The following PAFAH1B1 variants were observed in gnomAD, a reference collection of about 807,000 sequenced individuals.
PAFAH1B1 encodes the protein platelet activating factor acetylhydrolase 1b regulatory subunit 1.
Under a neutral mutation model 57.5 loss-of-function variants are expected in PAFAH1B1, and 2 were observed. That is an observed-to-expected ratio of 0.03 (90% CI 0.01 to 0.11). The LOEUF (loss-of-function observed/expected upper bound fraction) is 0.11, where lower values mean the gene tolerates loss of function less well. Among genes scored for constraint, PAFAH1B1 ranks in the 10% least tolerant of loss-of-function variants. The probability of loss-of-function intolerance (pLI) is 1.00; values close to 1 mark genes in which losing one functional copy is unlikely to be tolerated. For missense variants in PAFAH1B1, 257 were observed against 512.0 expected (o/e 0.50, Z 4.81); for synonymous variants, 152 against 169.6 (o/e 0.90, Z 0.81).
intron 1 of PAFAH1B1, among the ~76,000 whole-genome samples, chr17:2,612,395 A>G (rs1376067141): frequency 1.3e-5 from 2 of 151,588 alleles, no homozygotes; most frequent in African/African-American, 4.8e-5. Context: ...TTTAGTAGAG[A>G]CGAGGTTTTG....
At chr17:2,636,030 A>G (rs1320189800) in intron 1 of PAFAH1B1, among the ~76,000 whole-genome samples, 1 of 151,870 alleles carries the variant, frequency 6.6e-6, no homozygotes, top group Non-Finnish European at 1.5e-5. Flanking sequence ...GGCTGAGCCC[A>G]GCTTGGTTGA....
intron 2 of PAFAH1B1, among the ~76,000 whole-genome samples, chr17:2,644,819 A>G (rs1006481443): frequency 2.0e-5 from 3 of 152,186 alleles, no homozygotes; most frequent in African/African-American, 7.2e-5. Flanking sequence ...CTACCTTCAT[A>G]ATCAGGATAA....
chr17:2,676,728 A>C, intron 9 of PAFAH1B1, 122 bp downstream of exon 9: 1 of 720,948 alleles, frequency 1.4e-6, no homozygotes, highest in Non-Finnish European at 2.5e-6. Flanking sequence ...CTTCTTTATA[A>C]AGATAGTTTT....
intron 2 of PAFAH1B1, among the ~76,000 whole-genome samples, chr17:2,647,308 G>A (rs1234806874): frequency 6.6e-6 from 1 of 152,208 alleles, no homozygotes; most frequent in African/African-American, 2.4e-5. Flanking sequence ...GGAGGTTGCA[G>A]TGAGCCGAGA....
intron 1 of PAFAH1B1, among the ~76,000 whole-genome samples, chr17:2,603,166 A>G (rs974728589): frequency 2.0e-5 from 3 of 149,116 alleles, no homozygotes; most frequent in African/African-American, 7.4e-5. Context: ...CAAAAGAATG[A>G]TTTTTTTTTT....
chr17:2,623,694 C>T (rs1347128618), intron 1 of PAFAH1B1, among the ~76,000 whole-genome samples: 1 of 150,146 alleles, frequency 6.7e-6, no homozygotes, highest in African/African-American at 2.5e-5. Flanking sequence ...GTGGTGCGAT[C>T]TCTGCTCACT....
intron 2 of PAFAH1B1, among the ~76,000 whole-genome samples, chr17:2,643,930 G>T (rs1210461115): frequency 1.3e-5 from 2 of 152,118 alleles, no homozygotes; most frequent in Non-Finnish European, 2.9e-5. Flanking sequence ...GTACAGTGGC[G>T]CAGTCAGAGC....
chr17:2,607,715 G>C (rs1434439626), intron 1 of PAFAH1B1, among the ~76,000 whole-genome samples: 1 of 151,450 alleles, frequency 6.6e-6, no homozygotes, highest in Non-Finnish European at 1.5e-5. Flanking sequence ...CAAACTCTGG[G>C]CCTCAAGTGA....
chr17:2,629,467 T>C (rs1266138983), intron 1 of PAFAH1B1, among the ~76,000 whole-genome samples: 1 of 152,230 alleles, frequency 6.6e-6, no homozygotes, highest in Non-Finnish European at 1.5e-5. Context: ...GTGCTTGATA[T>C]AATTTCAATT....
intron 1 of PAFAH1B1, among the ~76,000 whole-genome samples, chr17:2,614,626 G>C: frequency 6.6e-6 from 1 of 151,990 alleles, no homozygotes; most frequent in East Asian, 1.9e-4. Flanking sequence ...CTAGGCGGGA[G>C]TGCAGTGGTG....
At chr17:2,621,745 C>G (rs144770256) in intron 1 of PAFAH1B1, among the ~76,000 whole-genome samples, 2,176 of 149,202 alleles carry the variant, frequency 0.015, 27 homozygotes, top group African/African-American at 0.034. Flanking sequence ...CCTCAGCCTT[C>G]TGAGTAGCTG....
rs552801278 is a variant in PAFAH1B1, at chr17:2,682,548, C to G, written c.*746C>G. On this transcript the variant is annotated 3_prime_UTR_variant, in exon 11 of 11. Coordinates refer to ENST00000397195, the MANE Select transcript of PAFAH1B1 (RefSeq NM_000430.4). ...TCAAAAAATACTGTCATACTCTAAG[C>G]TTCTATTTTCCACACTGGACATACT... 6.5e-6 allele frequency: 1 copy of G among 152,764 alleles called. No homozygotes were observed. The highest frequency in any genetic ancestry group is 2.4e-5 in the African/African-American group (1 of 41,592). The allele number at this position is 152,764 out of a possible 1,614,324, so 9.5% of individuals were successfully genotyped here.
At chr17:2,619,532 A>G (rs1597524105) in intron 1 of PAFAH1B1, among the ~76,000 whole-genome samples, 1 of 78,310 alleles carries the variant, frequency 1.3e-5, no homozygotes. Flanking sequence ...CCTGGCCCTT[A>G]CCTGTTTTTT....
chr17:2,671,247 C>A lies in PAFAH1B1; in HGVS notation c.568+916C>A, dbSNP rs185205807. ...TTTTTGAGACTGTGTCTCACTCTGTCGCCCAGGCTGGAGTGCAGTGGCACA... is the reference window on the plus strand; with the variant it reads ...TTTTTGAGACTGTGTCTCACTCTGTAGCCCAGGCTGGAGTGCAGTGGCACA... On this transcript the variant is annotated intron_variant, in intron 6 of 10. Transcript: ENST00000397195. Among the ~76,000 whole-genome samples, 32 of 151,770 alleles carry A rather than the reference C, an allele frequency of 2.1e-4. 1 individual carries two copies. Among genetic ancestry groups the A allele is most frequent in the Admixed American group, 5.9e-4 (9 of 15,220 alleles).
chr17:2,623,630 G>GTTT (rs59737147), intron 1 of PAFAH1B1, among the ~76,000 whole-genome samples: 2 of 133,166 alleles, frequency 1.5e-5, no homozygotes, highest in Admixed American at 7.7e-5. Flanking sequence ...CTACTTCCCC[G>GTTT]TTTTTTTTTT....
chr17:2,620,975 T>G (rs1247985877), intron 1 of PAFAH1B1, among the ~76,000 whole-genome samples: 4 of 152,230 alleles, frequency 2.6e-5, no homozygotes, highest in African/African-American at 9.6e-5. Flanking sequence ...GATTTTTTCC[T>G]TTAATAGATT....
chr17:2,628,811 G>A (rs1332765272), intron 1 of PAFAH1B1, among the ~76,000 whole-genome samples: 1 of 152,106 alleles, frequency 6.6e-6, no homozygotes, highest in African/African-American at 2.4e-5. Context: ...CCTGATTTAT[G>A]TGAGGAGGGT....
intron 1 of PAFAH1B1, among the ~76,000 whole-genome samples, chr17:2,606,885 C>T (rs139331917): frequency 0.011 from 1,440 of 136,176 alleles, 11 homozygotes; most frequent in Middle Eastern, 0.015. Context: ...AGTGCAGTGG[C>T]GCAATCTCAG....
intron 2 of PAFAH1B1, among the ~76,000 whole-genome samples, chr17:2,645,368 C>T (rs531139486): frequency 1.3e-5 from 2 of 152,036 alleles, no homozygotes; most frequent in African/African-American, 4.8e-5. Flanking sequence ...GAGGCTGAGG[C>T]AGATCACTTG....
Sources: allele counts gnomAD v4.1 joint callset (sites outside exome capture counted in the v4.1 genomes callset), GRCh38; gene constraint gnomAD v4.1.1; transcripts MANE v1.5; gene names NCBI Gene and HGNC (gene_info 2026-07-23, HGNC 2026-07-21).